ALK: variants seen among roughly 807,000 people sequenced by gnomAD.
ALK encodes the protein ALK receptor tyrosine kinase.
ALK carries 74 observed loss-of-function variants against 163.1 expected under a neutral mutation model. The observed-to-expected ratio is 0.45, with a 90% CI of 0.38 to 0.55. The LOEUF (loss-of-function observed/expected upper bound fraction) is 0.55, where lower values mean the gene tolerates loss of function less well. Ranked by LOEUF, ALK falls within the 20% of genes least tolerant of loss-of-function variation. ALK has a pLI of 0.00. For synonymous variants in ALK, 960 were observed against 843.2 expected (o/e 1.14, Z -2.40); for missense variants, 2,063 against 2,105.3 (o/e 0.98, Z 0.39).
chr2:29,193,017 T>G lies in ALK; in HGVS notation c.*207A>C. ...GTATTTATCACTCATTTTTATGATA[T>G]TTTCTTCTTTCGAAAGAATAGGATG... On this transcript the variant is annotated 3_prime_UTR_variant, in exon 29 of 29. Transcript: ENST00000389048. 1 of 602,048 alleles carries G rather than the reference T, an allele frequency of 1.7e-6. No homozygotes were observed. The highest frequency in any genetic ancestry group is 2.9e-6 in the Non-Finnish European group (1 of 340,796). The allele number at this position is 602,048 out of a possible 1,614,324, so 37.3% of individuals were successfully genotyped here.
At chr2:29,917,782 C>T (rs780088591) in intron 1 of ALK, among the ~76,000 whole-genome samples, 5 of 152,230 alleles carry the variant, frequency 3.3e-5, no homozygotes, top group East Asian at 3.8e-4. Context: ...CATCCAGTTA[C>T]ACTTAGTGTC....
At chr2:29,549,468 TTG>T (rs1399817371) in intron 3 of ALK, among the ~76,000 whole-genome samples, 1 of 152,218 alleles carries the variant, frequency 6.6e-6, no homozygotes, top group Admixed American at 6.5e-5. Context: ...CCAGTTGTAG[TTG>T]TGTGTCTAAT....
At chr2:29,668,797 TCA>T (rs1677594707) in intron 3 of ALK, among the ~76,000 whole-genome samples, 1 of 152,114 alleles carries the variant, frequency 6.6e-6, no homozygotes, top group African/African-American at 2.4e-5. Flanking sequence ...TTTAATGGAC[TCA>T]CAGTTTCACA....
intron 1 of ALK, among the ~76,000 whole-genome samples, chr2:29,905,347 A>G (rs1263305722): frequency 6.6e-6 from 1 of 152,250 alleles, no homozygotes; most frequent in Non-Finnish European, 1.5e-5. Flanking sequence ...TAAATATTTA[A>G]GCACATAAAT....
At chr2:29,488,553 C>T (rs1671831172) in intron 4 of ALK, among the ~76,000 whole-genome samples, 1 of 152,132 alleles carries the variant, frequency 6.6e-6, no homozygotes, top group South Asian at 2.1e-4. Context: ...AGATAGCTTT[C>T]ATGGTCATAT....
chr2:29,764,760 G>A (rs1680809302), intron 1 of ALK, among the ~76,000 whole-genome samples: 1 of 152,196 alleles, frequency 6.6e-6, no homozygotes, highest in African/African-American at 2.4e-5. Context: ...GCTATATCAT[G>A]TTAAAATCCT....
chr2:29,898,436 G>A (rs1005436786), intron 1 of ALK, among the ~76,000 whole-genome samples: 13 of 152,158 alleles, frequency 8.5e-5, no homozygotes, highest in African/African-American at 3.1e-4. Flanking sequence ...ATCTGCCTTC[G>A]AAGAAATCTC....
intron 9 of ALK, among the ~76,000 whole-genome samples, chr2:29,282,379 C>A (rs1281652366): frequency 6.6e-6 from 1 of 152,178 alleles, no homozygotes; most frequent in Non-Finnish European, 1.5e-5. Flanking sequence ...TGGACTTCAG[C>A]TCTAAGATGA....
chr2:29,655,609 C>T (rs1278561412), intron 3 of ALK, among the ~76,000 whole-genome samples: 1 of 152,160 alleles, frequency 6.6e-6, no homozygotes, highest in Non-Finnish European at 1.5e-5. Context: ...TGACAGTCCT[C>T]TGGGGCTTAG....
chr2:29,716,045 C>T (rs1679244752), intron 2 of ALK, among the ~76,000 whole-genome samples: 1 of 152,090 alleles, frequency 6.6e-6, no homozygotes, highest in Non-Finnish European at 1.5e-5. Context: ...TGAGAGACAG[C>T]AGGCTTTGGA....
chr2:29,863,054 G>C (rs1666336651), intron 1 of ALK, among the ~76,000 whole-genome samples: 1 of 152,126 alleles, frequency 6.6e-6, no homozygotes, highest in Non-Finnish European at 1.5e-5. Context: ...GGAAAACTGG[G>C]TATCCATACG....
intron 4 of ALK, among the ~76,000 whole-genome samples, chr2:29,412,790 T>A (rs1312008521): frequency 6.6e-6 from 1 of 152,232 alleles, no homozygotes. Flanking sequence ...TTTTTCAACA[T>A]TGCAAACAAG....
intron 3 of ALK, among the ~76,000 whole-genome samples, chr2:29,543,849 G>A (rs6709762): frequency 0.81 from 123,518 of 152,120 alleles, 50,551 homozygotes; most frequent in Non-Finnish European, 0.87. Context: ...TTGTTCCTCC[G>A]TTGATAGTTC....
At chr2:29,851,737 T>G (rs1472286259) in intron 1 of ALK, among the ~76,000 whole-genome samples, 1 of 152,208 alleles carries the variant, frequency 6.6e-6, no homozygotes, top group Non-Finnish European at 1.5e-5. Context: ...CACACTTCCA[T>G]GAGAACAGGG....
At chr2:29,452,201 C>G (rs1268916474) in intron 4 of ALK, among the ~76,000 whole-genome samples, 1 of 152,198 alleles carries the variant, frequency 6.6e-6, no homozygotes, top group Non-Finnish European at 1.5e-5. Flanking sequence ...GCCCCTTACT[C>G]CCTGCACTCC....
At chr2:29,565,321 C>A (rs184749732) in intron 3 of ALK, among the ~76,000 whole-genome samples, 213 of 152,258 alleles carry the variant, frequency 1.4e-3, no homozygotes, top group South Asian at 5.4e-3. Context: ...TCGGGTCTTC[C>A]GGCGTTAGCT....
At chr2:29,556,287 G>A (rs969010357) in intron 3 of ALK, among the ~76,000 whole-genome samples, 12 of 152,152 alleles carry the variant, frequency 7.9e-5, no homozygotes, top group Non-Finnish European at 1.5e-5. Context: ...TATGAAATAG[G>A]GACAGTGACA....
At position 29,392,567 on chromosome 2, in the gene ALK, G is replaced by T. The variant is rs13415294; in HGVS notation, c.1155-8708C>A. 0.23 allele frequency among the ~76,000 whole-genome samples: 35,688 copies of T among 152,032 alleles called. 4,546 individuals are homozygous for T. Among genetic ancestry groups the T allele is most frequent in the South Asian group, 0.3 (1,463 of 4,800 alleles). ...ATCTTCAGAATCTGGACTGGAATAT[G>T]CAGGCTTGTTGGGGGCTGATGTCCA... On this transcript the variant is annotated intron_variant, in intron 4 of 28. Transcript: ENST00000389048.
intron 3 of ALK, among the ~76,000 whole-genome samples, chr2:29,577,141 C>T (rs552147417): frequency 6.6e-6 from 1 of 152,210 alleles, no homozygotes; most frequent in East Asian, 1.9e-4. Context: ...CCATGCATGG[C>T]ACCCGCCTCG....
Sources: gnomAD v4.1 joint callset for allele counts (sites outside exome capture counted in the v4.1 genomes callset) on GRCh38, gnomAD v4.1.1 for gene constraint, MANE v1.5 for transcripts, NCBI Gene and HGNC (gene_info 2026-07-23, HGNC 2026-07-21) for gene names.